GPC5: variants seen among roughly 807,000 people sequenced by gnomAD.
GPC5 encodes glypican-5.
A neutral mutation model predicts 53.9 loss-of-function variants in GPC5; 47 were observed. That is an observed-to-expected ratio of 0.87 (90% CI 0.69 to 1.11). The LOEUF (loss-of-function observed/expected upper bound fraction) is 1.11. Among genes scored for constraint, GPC5 ranks in the 50% most tolerant of loss-of-function variants. The pLI is 0.00. For missense variants in GPC5, 748 were observed against 713.1 expected (o/e 1.05, Z -0.56); for synonymous variants, 286 against 263.3 (o/e 1.09, Z -0.84).
At chr13:92,522,259 C>A (rs1881085910) in intron 7 of GPC5, among the ~76,000 whole-genome samples, 1 of 152,146 alleles carries the variant, frequency 6.6e-6, no homozygotes, top group Admixed American at 6.5e-5. Context: ...CCAGCCATCC[C>A]ATTGCTGGAT....
chr13:91,839,641 A>G (rs951684356), intron 5 of GPC5, among the ~76,000 whole-genome samples: 4 of 152,122 alleles, frequency 2.6e-5, no homozygotes, highest in African/African-American at 7.2e-5. Flanking sequence ...TCATCCTGCA[A>G]TGCTTTGGGA....
At chr13:92,501,222 G>A (rs1880171621) in intron 7 of GPC5, among the ~76,000 whole-genome samples, 1 of 151,966 alleles carries the variant, frequency 6.6e-6, no homozygotes, top group Non-Finnish European at 1.5e-5. Flanking sequence ...ACAAATAAAG[G>A]TAAAAATGTA....
chr13:91,534,777 G>A (rs1403795413), intron 2 of GPC5, among the ~76,000 whole-genome samples: 3 of 151,942 alleles, frequency 2.0e-5, no homozygotes, highest in Non-Finnish European at 4.4e-5. Flanking sequence ...CCTGTTTGTT[G>A]TTTGTTTGTT....
intron 1 of GPC5, among the ~76,000 whole-genome samples, chr13:91,400,107 A>C (rs1021261010): frequency 6.6e-6 from 1 of 152,116 alleles, no homozygotes. Flanking sequence ...AGGTGTCTAG[A>C]GCTAAGTAAG....
rs560012661 is a variant in GPC5, at chr13:92,077,592, C to T, written c.1402-67238C>T. Among the ~76,000 whole-genome samples, 4 of 152,182 alleles carry T rather than the reference C, an allele frequency of 2.6e-5. No individual in the cohort carries two copies. In the East Asian group the frequency reaches 7.7e-4, roughly 29 times the overall value. On this transcript the variant is annotated intron_variant, in intron 6 of 7. Transcript: ENST00000377067. ...CAGATGAAGGTATCCAGTCATAAAG[C>T]CAAGAGATAAGCCACCCATTCCAGA...
intron 7 of GPC5, among the ~76,000 whole-genome samples, chr13:92,156,286 A>G (rs1174416589): frequency 2.6e-5 from 4 of 152,172 alleles, no homozygotes; most frequent in African/African-American, 4.8e-5. Context: ...AAGCTTCAAG[A>G]GTTCAGCAGG....
At chr13:92,771,012 TG>T (rs1875592406) in intron 7 of GPC5, among the ~76,000 whole-genome samples, 1 of 152,158 alleles carries the variant, frequency 6.6e-6, no homozygotes, top group Non-Finnish European at 1.5e-5. Context: ...TCCTTACCTC[TG>T]GGTGGTGGTA....
chr13:92,105,240 T>C (rs2041500616), intron 6 of GPC5, among the ~76,000 whole-genome samples: 1 of 152,046 alleles, frequency 6.6e-6, no homozygotes, highest in Admixed American at 6.6e-5. Context: ...AGAGCTTGAG[T>C]TTTGAGCTCT....
intron 5 of GPC5, among the ~76,000 whole-genome samples, chr13:91,769,628 G>A (rs919452485): frequency 6.6e-6 from 1 of 152,202 alleles, no homozygotes; most frequent in Admixed American, 6.5e-5. Context: ...GTGGCTCAGG[G>A]TGATGCAGAT....
chr13:91,659,752 C>T (rs2034939004), intron 2 of GPC5, among the ~76,000 whole-genome samples: 1 of 152,110 alleles, frequency 6.6e-6, no homozygotes, highest in Non-Finnish European at 1.5e-5. Flanking sequence ...TGTCCCCCAC[C>T]GCCTCCACCA....
chr13:92,608,031 T>C (rs1283711658), intron 7 of GPC5, among the ~76,000 whole-genome samples: 3 of 152,198 alleles, frequency 2.0e-5, no homozygotes, highest in African/African-American at 7.2e-5. Context: ...TAATAACATT[T>C]TCTTTTCTCT....
At chr13:92,757,471 A>C (rs1197387473) in intron 7 of GPC5, among the ~76,000 whole-genome samples, 1 of 152,226 alleles carries the variant, frequency 6.6e-6, no homozygotes, top group Admixed American at 6.5e-5. Flanking sequence ...AGAAGCCAAA[A>C]TTGACAAATG....
At chr13:91,946,643 C>A (rs1566356799) in intron 6 of GPC5, among the ~76,000 whole-genome samples, 2 of 152,048 alleles carry the variant, frequency 1.3e-5, no homozygotes, top group African/African-American at 2.4e-5. Flanking sequence ...ACGTGACAGC[C>A]CCGGTAAGTC....
rs867835265 is a variant in GPC5, at chr13:92,103,104, C to A, written c.1402-41726C>A. On this transcript the variant is annotated intron_variant, in intron 6 of 7. Transcript: ENST00000377067. ...TTCGAACTCCTGGGCTCAAGTGATC[C>A]TCTTGCCTCAGCCTCCCAAAGTTCT... 5.9e-5 allele frequency among the ~76,000 whole-genome samples: 9 copies of A among 152,114 alleles called. No homozygotes were observed. In the South Asian group the frequency reaches 6.2e-4, roughly 11 times the overall value.
At chr13:92,756,715 T>G (rs2139333503) in intron 7 of GPC5, among the ~76,000 whole-genome samples, 1 of 143,332 alleles carries the variant, frequency 7.0e-6, no homozygotes, top group East Asian at 2.1e-4. Flanking sequence ...AAATCATGAG[T>G]GAACTCCCAT....
intron 7 of GPC5, among the ~76,000 whole-genome samples, chr13:92,863,094 T>C (rs1001176222): frequency 1.3e-5 from 2 of 152,150 alleles, no homozygotes; most frequent in Non-Finnish European, 2.9e-5. Context: ...CCATTCCAGA[T>C]GACAAGGAAG....
At chr13:92,778,361 T>C (rs1345247180) in intron 7 of GPC5, among the ~76,000 whole-genome samples, 3 of 152,208 alleles carry the variant, frequency 2.0e-5, no homozygotes, top group Non-Finnish European at 4.4e-5. Context: ...AGGAGAGCTG[T>C]TGACTTGGAC....
In GPC5 at chr13:91,451,260, A is replaced by T. The variant is rs534655342; in HGVS notation, c.325+2338A>T. On this transcript the variant is annotated intron_variant, in intron 2 of 7. Transcript: ENST00000377067. The stretch of plus-strand genomic sequence containing the variant: ...TTATATTTCCTAGTTCAACAATATT[A>T]ATCTGTTTTCCGAGTTATATTGTAG... 1.2e-3 allele frequency among the ~76,000 whole-genome samples: 180 copies of T among 152,296 alleles called. 1 individual carries two copies. The highest frequency in any genetic ancestry group is 6.8e-3 in the Middle Eastern group (2 of 294).
chr13:91,804,574 TTG>T (rs2038190314), intron 5 of GPC5, among the ~76,000 whole-genome samples: 1 of 152,212 alleles, frequency 6.6e-6, no homozygotes, highest in Non-Finnish European at 1.5e-5. Flanking sequence ...AAAAGGAGGC[TTG>T]GCAATTTTAA....
Sources: allele counts gnomAD v4.1 joint callset (sites outside exome capture counted in the v4.1 genomes callset), GRCh38; gene constraint gnomAD v4.1.1; transcripts MANE v1.5; gene names NCBI Gene and HGNC (gene_info 2026-07-23, HGNC 2026-07-21).